The following HECW2 variants were observed in gnomAD, a reference collection of about 807,000 sequenced individuals.
The protein encoded by HECW2 is E3 ubiquitin-protein ligase HECW2.
In HECW2, 61 loss-of-function variants were observed where a neutral mutation model predicts 175.2. That is an observed-to-expected ratio of 0.35 (90% CI 0.28 to 0.43). The LOEUF is 0.43. Ranked by LOEUF, HECW2 falls within the 20% of genes least tolerant of loss-of-function variation. The probability of loss-of-function intolerance (pLI) is 1.00; values close to 1 mark genes in which losing one functional copy is unlikely to be tolerated. For synonymous variants in HECW2, 671 were observed against 731.0 expected (o/e 0.92, Z 1.32); for missense variants, 1,524 against 2,000.5 (o/e 0.76, Z 4.54).
chr2:196,582,014 T>C (rs764075225), intron 1 of HECW2, among the ~76,000 whole-genome samples: 48 of 151,832 alleles, frequency 3.2e-4, no homozygotes, highest in Non-Finnish European at 6.5e-4. Context: ...TGCAGTGAGC[T>C]GAGATTGTGC....
At chr2:196,235,100 A>ATTTTTTTT (rs35822849) in intron 21 of HECW2, among the ~76,000 whole-genome samples, 1 of 144,374 alleles carries the variant, frequency 6.9e-6, no homozygotes, top group African/African-American at 2.5e-5. Flanking sequence ...TTATTTTTGT[A>ATTTTTTTT]TTTTTTTTTT....
intron 21 of HECW2, among the ~76,000 whole-genome samples, chr2:196,233,468 C>A (rs1268933550): frequency 6.6e-6 from 1 of 152,170 alleles, no homozygotes; most frequent in Admixed American, 6.5e-5. Flanking sequence ...CTAATGAAAG[C>A]AGACTATAAA....
chr2:196,402,065 G>C (rs1376148435), intron 2 of HECW2, among the ~76,000 whole-genome samples: 1 of 151,894 alleles, frequency 6.6e-6, no homozygotes, highest in African/African-American at 2.4e-5. Context: ...GCCGGACGTG[G>C]TGGCGGGCGC....
chr2:196,412,632 G>C (rs991520022), intron 2 of HECW2, among the ~76,000 whole-genome samples: 6 of 152,144 alleles, frequency 3.9e-5, no homozygotes, highest in Non-Finnish European at 8.8e-5. Context: ...TTAGAGCAGT[G>C]GCTTTGAAAT....
At chr2:196,412,222 C>G (rs931580120) in intron 2 of HECW2, among the ~76,000 whole-genome samples, 6 of 152,142 alleles carry the variant, frequency 3.9e-5, no homozygotes, top group African/African-American at 1.4e-4. Flanking sequence ...AAGATGTTGA[C>G]CAGGTTGTTT....
chr2:196,315,748 A>G (rs1161496486), intron 10 of HECW2: 1 of 152,208 alleles, frequency 6.6e-6, no homozygotes, highest in Non-Finnish European at 1.5e-5. Context: ...TTTATGAATT[A>G]TGGTCATAAT....
Position 196,211,850 on chromosome 2 carries a change from T to G in HECW2, c.4607+4015A>C, listed in dbSNP as rs117890636. ...GCCAGACTTCTTAGAGGATTCTTTT[T>G]TTTTCTTTTTGAGACAGAGTCTTGC... On this transcript the variant is annotated intron_variant, in intron 28 of 28. Coordinates refer to ENST00000644978, the MANE Select transcript of HECW2 (RefSeq NM_001348768.2). Among the ~76,000 whole-genome samples, 1,640 of 152,266 alleles carry G rather than the reference T, an allele frequency of 0.011. 70 individuals carry two copies. In the East Asian group the frequency reaches 0.15, roughly 14 times the overall value.
chr2:196,325,150 CT>C lies in HECW2; in HGVS notation c.572-2del, dbSNP rs1479285906. The C allele has an allele frequency of 1.9e-6, 3 of 1,568,910 alleles. No individual in the cohort carries two copies. The highest frequency in any genetic ancestry group is 3.8e-5 in the Admixed American group (2 of 52,264). ...TTCTTTAGCCCAACTGCCCTAAGAT[CT>C]TTAAAGAAAGAGGGAGAAGGAGGGA... On this transcript the variant is annotated splice_acceptor_variant, in intron 5 of 28. Coordinates refer to ENST00000644978, the MANE Select transcript of HECW2 (RefSeq NM_001348768.2). LOFTEE classifies it high-confidence loss of function.
chr2:196,570,779 C>A (rs186030020), intron 1 of HECW2, among the ~76,000 whole-genome samples: 2 of 152,262 alleles, frequency 1.3e-5, no homozygotes, highest in East Asian at 3.9e-4. Context: ...TCTGATTTTT[C>A]TTGAAAAATT....
chr2:196,548,013 A>G (rs1283956701), intron 1 of HECW2, among the ~76,000 whole-genome samples: 1 of 152,170 alleles, frequency 6.6e-6, no homozygotes, highest in Non-Finnish European at 1.5e-5. Context: ...AATGCAACTC[A>G]TTGCTTAAGT....
At chr2:196,397,763 C>T (rs1379185954) in intron 2 of HECW2, among the ~76,000 whole-genome samples, 1 of 152,132 alleles carries the variant, frequency 6.6e-6, no homozygotes, top group East Asian at 1.9e-4. Context: ...TTGGGATTTC[C>T]ACCAACTGTT....
chr2:196,535,052 A>G (rs1219279271), intron 1 of HECW2, among the ~76,000 whole-genome samples: 1 of 90,522 alleles, frequency 1.1e-5, no homozygotes, highest in African/African-American at 8.0e-5. Context: ...CAATATAACA[A>G]AAAAAAAAAA....
intron 21 of HECW2, among the ~76,000 whole-genome samples, chr2:196,236,223 A>G (rs909634218): frequency 3.2e-4 from 49 of 152,216 alleles, no homozygotes; most frequent in Non-Finnish European, 2.9e-4. Flanking sequence ...AAGTGCAGAC[A>G]GAGGCATATA....
chr2:196,549,836 C>T (rs1689550782), intron 1 of HECW2, among the ~76,000 whole-genome samples: 1 of 152,164 alleles, frequency 6.6e-6, no homozygotes, highest in Admixed American at 6.5e-5. Context: ...ATTTACCAAT[C>T]GACCTGATAT....
chr2:196,315,149 A>AGTGTGT (rs58473650), intron 10 of HECW2, among the ~76,000 whole-genome samples: 201 of 144,820 alleles, frequency 1.4e-3, no homozygotes, highest in Non-Finnish European at 1.9e-3. Flanking sequence ...CGAGTGTATG[A>AGTGTGT]GTGTGTGTGT....
At chr2:196,455,888 GA>G (rs11378947) in intron 1 of HECW2, among the ~76,000 whole-genome samples, 1 of 151,218 alleles carries the variant, frequency 6.6e-6, no homozygotes, top group African/African-American at 2.4e-5. Flanking sequence ...ATAAATAACA[GA>G]AAAAATTAGA....
chr2:196,399,140 A>G (rs1694749033), intron 2 of HECW2, among the ~76,000 whole-genome samples: 1 of 152,148 alleles, frequency 6.6e-6, no homozygotes, highest in Non-Finnish European at 1.5e-5. Context: ...TCTCAGGTTG[A>G]GCATGTACAC....
intron 2 of HECW2, among the ~76,000 whole-genome samples, chr2:196,404,157 A>AT (rs1694896777): frequency 2.6e-5 from 4 of 152,362 alleles, no homozygotes; most frequent in Non-Finnish European, 1.5e-5. Flanking sequence ...GTATCCACAT[A>AT]GGATACTCTT....
At chr2:196,581,677 C>G in intron 1 of HECW2, among the ~76,000 whole-genome samples, 1 of 152,160 alleles carries the variant, frequency 6.6e-6, no homozygotes, top group East Asian at 1.9e-4. Flanking sequence ...AGATAGACTT[C>G]CAAGATAGAA....
Sources: allele counts gnomAD v4.1 joint callset (sites outside exome capture counted in the v4.1 genomes callset), GRCh38; gene constraint gnomAD v4.1.1; transcripts MANE v1.5; gene names NCBI Gene and HGNC (gene_info 2026-07-23, HGNC 2026-07-21).